CTF1: variants seen among roughly 807,000 people sequenced by gnomAD.
The protein encoded by CTF1 is cardiotrophin-1.
CTF1 carries 9 observed loss-of-function variants against 10.9 expected under a neutral mutation model. The observed-to-expected ratio is 0.83, with a 90% CI of 0.50 to 1.44. The LOEUF is 1.44. Among genes scored for constraint, CTF1 ranks in the 40% most tolerant of loss-of-function variants. The probability of loss-of-function intolerance (pLI) is 0.00; values close to 1 mark genes in which losing one functional copy is unlikely to be tolerated. For synonymous variants in CTF1, 133 were observed against 138.8 expected (o/e 0.96, Z 0.29); for missense variants, 259 against 275.3 (o/e 0.94, Z 0.42).
intron 2 of CTF1, among the ~76,000 whole-genome samples, chr16:30,900,211 T>A (rs1490150752): frequency 6.6e-6 from 1 of 152,214 alleles, no homozygotes; most frequent in African/African-American, 2.4e-5. Context: ...GAGGTTCCAA[T>A]CTGGAGCAAC....
At chr16:30,897,237 C>G (rs1256625562) in intron 1 of CTF1, among the ~76,000 whole-genome samples, 1 of 152,124 alleles carries the variant, frequency 6.6e-6, no homozygotes, top group East Asian at 1.9e-4. Context: ...CTGGCTCTTG[C>G]GGACCTTGAT....
intron 2 of CTF1, among the ~76,000 whole-genome samples, chr16:30,900,100 T>C (rs1166017193): frequency 6.6e-6 from 1 of 152,048 alleles, no homozygotes; most frequent in Non-Finnish European, 1.5e-5. Flanking sequence ...CCTTGACACC[T>C]CCCCTCCATG....
intron 1 of CTF1, among the ~76,000 whole-genome samples, chr16:30,897,218 C>G (rs1448457268): frequency 1.3e-5 from 2 of 152,086 alleles, no homozygotes; most frequent in Non-Finnish European, 1.5e-5. Flanking sequence ...CCTCCCGGGG[C>G]GCCAGACACT....
upstream of CTF1, chr16:30,896,464 C>A: frequency 1.9e-6 from 1 of 521,774 alleles, no homozygotes; most frequent in Non-Finnish European, 3.0e-6. Flanking sequence ...CCCCACTAGG[C>A]CCCACGGACG....
chr16:30,896,497 G>A, upstream of CTF1: 4 of 729,266 alleles, frequency 5.5e-6, no homozygotes, highest in Non-Finnish European at 7.7e-6. Context: ...CAGGGCCAAG[G>A]AATCCTGTCT....
intron 1 of CTF1, among the ~76,000 whole-genome samples, chr16:30,897,567 G>A (rs903017623): frequency 6.6e-6 from 1 of 152,158 alleles, no homozygotes; most frequent in East Asian, 1.9e-4. Flanking sequence ...CTTCACTGAG[G>A]AGGCAGTACA....
intron 1 of CTF1, among the ~76,000 whole-genome samples, chr16:30,898,607 A>G (rs1211821052): frequency 6.6e-6 from 1 of 152,128 alleles, no homozygotes; most frequent in Admixed American, 6.6e-5. Flanking sequence ...TATATTATAT[A>G]ATAAAATACA....
Position 30,902,680 on chromosome 16 carries a change from G to C in CTF1, c.*141G>C. On this transcript the variant is annotated 3_prime_UTR_variant, in exon 3 of 3. Coordinates refer to ENST00000279804, the MANE Select transcript of CTF1 (RefSeq NM_001330.5). Reference sequence around the variant, plus strand: ...GCCTCGGCCTTCTTTGCTTTTTGTGGGGGAGAGGGGAGGGGACGGGCAGGG... The same window carrying C: ...GCCTCGGCCTTCTTTGCTTTTTGTGCGGGAGAGGGGAGGGGACGGGCAGGG... The C allele has an allele frequency of 8.0e-7, 1 of 1,249,522 alleles. No homozygotes were observed. Among genetic ancestry groups the C allele is most frequent in the Non-Finnish European group, 1.0e-6 (1 of 974,488 alleles). 77.4% of individuals were successfully genotyped at this position (1,249,522 alleles called of 1,614,324 possible).
intron 2 of CTF1, among the ~76,000 whole-genome samples, chr16:30,900,327 C>T (rs2055390361): frequency 6.6e-6 from 1 of 152,160 alleles, no homozygotes; most frequent in South Asian, 2.1e-4. Context: ...AAATTACCCT[C>T]GTGTAGTGAA....
rs568816181 is a variant in CTF1, at chr16:30,900,151, TATG to T, written c.144+621_144+623del. Among the ~76,000 whole-genome samples, 126 of 152,264 alleles carry T rather than the reference TATG, an allele frequency of 8.3e-4. 1 individual carries two copies. The highest frequency in any genetic ancestry group is 3.0e-3 in the African/African-American group (124 of 41,554). ...CCAACAGTAAAAGGAGGCAGCTAAA[TATG>T]ATTAACTCTGAACTCTCCCACCTGG... On this transcript the variant is annotated intron_variant, in intron 2 of 2. Coordinates refer to ENST00000279804, the MANE Select transcript of CTF1 (RefSeq NM_001330.5).
At chr16:30,901,061 T>A (rs373692226) in intron 2 of CTF1, among the ~76,000 whole-genome samples, 6 of 152,154 alleles carry the variant, frequency 3.9e-5, no homozygotes, top group Admixed American at 2.0e-4. Context: ...TCTGGCTAAT[T>A]TTTGTATTTT....
intron 1 of CTF1, among the ~76,000 whole-genome samples, chr16:30,897,486 C>A (rs1050831081): frequency 9.2e-5 from 14 of 152,050 alleles, no homozygotes; most frequent in Non-Finnish European, 1.6e-4. Context: ...AAAGAGCTAC[C>A]CTGGAACTCA....
chr16:30,899,842 C>T (rs1044839767), intron 2 of CTF1, among the ~76,000 whole-genome samples: 2 of 152,182 alleles, frequency 1.3e-5, no homozygotes, highest in African/African-American at 4.8e-5. Context: ...GCCTCAACCT[C>T]CTGGGCTTAA....
At chr16:30,902,026 C>A (rs1468036406) in intron 2 of CTF1, 52 bp from the exon 3 acceptor site, 1 of 1,393,720 alleles carries the variant, frequency 7.2e-7, no homozygotes, top group East Asian at 3.1e-5. Context: ...CAGTTAACAG[C>A]CCCCTGCCCG....
chr16:30,896,534 TG>T, upstream of CTF1: 1 of 990,706 alleles, frequency 1.0e-6, no homozygotes, highest in Non-Finnish European at 1.3e-6. Context: ...ATGAAATGTT[TG>T]GGGTCTGGGC....
upstream of CTF1, chr16:30,896,596 C>T (rs548969809): frequency 3.2e-6 from 4 of 1,253,562 alleles, no homozygotes; most frequent in East Asian, 3.1e-5. Flanking sequence ...CCTTTCTCCC[C>T]CCTCGAAAGG....
In CTF1 at chr16:30,902,571, CG is replaced by C; in HGVS notation, c.*33del. On this transcript the variant is annotated 3_prime_UTR_variant, in exon 3 of 3. Coordinates refer to ENST00000279804, the MANE Select transcript of CTF1 (RefSeq NM_001330.5). ...CGGGGCAGCTCGCCCCGCCTCCTCC[CG>C]CTGGGTTCCGTCTCTCCTTCCGCTT... 1 of 1,489,234 alleles carries C rather than the reference CG, an allele frequency of 6.7e-7. No individual in the cohort carries two copies. The highest frequency in any genetic ancestry group is 8.9e-7 in the Non-Finnish European group (1 of 1,122,680). 92.3% of individuals were successfully genotyped at this position (1,489,234 alleles called of 1,614,324 possible). A position where few individuals can be genotyped will look rare whatever the true frequency, so the allele number is the denominator to read the frequency against.
chr16:30,898,655 T>TTTTA (rs779166379), intron 1 of CTF1, among the ~76,000 whole-genome samples: 17 of 152,078 alleles, frequency 1.1e-4, no homozygotes, highest in South Asian at 4.2e-4. Context: ...TTTTCTATGT[T>TTTTA]TTTATTTATT....
At chr16:30,896,815 C>G (rs1278546805) in intron 1 of CTF1, 147 bp downstream of exon 1, 3 of 628,804 alleles carry the variant, frequency 4.8e-6, no homozygotes, top group East Asian at 3.4e-5. Context: ...TGTCAGGTAA[C>G]GAGTGAGCGG....
Sources: allele counts gnomAD v4.1 joint callset (sites outside exome capture counted in the v4.1 genomes callset), GRCh38; gene constraint gnomAD v4.1.1; transcripts MANE v1.5; gene names NCBI Gene and HGNC (gene_info 2026-07-23, HGNC 2026-07-21).